SDS: variants seen among roughly 807,000 people sequenced by gnomAD.
SDS encodes the protein serine dehydratase.
A neutral mutation model predicts 29.3 loss-of-function variants in SDS; 19 were observed. The observed-to-expected ratio is 0.65, with a 90% CI of 0.45 to 0.95. The LOEUF is 0.95. SDS is among the 40% of genes least tolerant of loss of function. The pLI is 0.00. For synonymous variants in SDS, 176 were observed against 189.0 expected (o/e 0.93, Z 0.56); for missense variants, 375 against 439.9 (o/e 0.85, Z 1.32).
At chr12:113,401,107 C>G (rs1185002944) in intron 1 of SDS, among the ~76,000 whole-genome samples, 1 of 152,034 alleles carries the variant, frequency 6.6e-6, no homozygotes, top group Non-Finnish European at 1.5e-5. Flanking sequence ...GATCGAGACT[C>G]TGTCTCAAAC....
At chr12:113,399,070 G>T (rs1565870188) in intron 3 of SDS, 42 bp downstream of exon 3, 1 of 1,608,844 alleles carries the variant, frequency 6.2e-7, no homozygotes, top group Non-Finnish European at 8.5e-7. Context: ...TCTGATCCCA[G>T]GACACACAGC....
chr12:113,402,644 T>C (rs1228195982), intron 1 of SDS, among the ~76,000 whole-genome samples: 2 of 151,732 alleles, frequency 1.3e-5, no homozygotes, highest in African/African-American at 4.8e-5. Flanking sequence ...TCAGGGACAA[T>C]CGGGGTGGGA....
intron 5 of SDS, among the ~76,000 whole-genome samples, chr12:113,398,061 C>CTT (rs71443028): frequency 1.6e-4 from 21 of 130,786 alleles, no homozygotes; most frequent in East Asian, 6.8e-4. Context: ...TGTGTTTCTT[C>CTT]TTTTTTTTTT....
chr12:113,393,251 T>C, intron 7 of SDS, 102 bp from the exon 8 acceptor site: 4 of 1,136,230 alleles, frequency 3.5e-6, no homozygotes, highest in Non-Finnish European at 5.2e-6. Flanking sequence ...GCCAATCAGC[T>C]CTCAGCCCTG....
intron 6 of SDS, among the ~76,000 whole-genome samples, chr12:113,396,488 T>TTTCTTTCCC (rs1555207523): frequency 6.9e-6 from 1 of 145,164 alleles, no homozygotes; most frequent in Admixed American, 6.8e-5. Context: ...TTTCTCTCTC[T>TTTCTTTCCC]TTCTTTCCTC....
At chr12:113,397,516 TTGGCTTCTAGCTGCCAGCATCTG>T (rs1401208431) in intron 5 of SDS, 124 bp from the exon 6 acceptor site, 8 of 783,954 alleles carry the variant, frequency 1.0e-5, no homozygotes, top group Non-Finnish European at 1.2e-5. Flanking sequence ...ACCCCCAACC[TTGGCTTCTAGCTGCCAGCATCTG>T]TGTCTCTGCC....
intron 2 of SDS, 90 bp downstream of exon 2, chr12:113,399,466 C>T (rs552105692): frequency 5.3e-5 from 73 of 1,371,146 alleles, no homozygotes; most frequent in African/African-American, 1.5e-4. Flanking sequence ...TATCCTACAA[C>T]GCCTTTAATT....
At position 113,393,094 on chromosome 12, in the gene SDS, A is replaced by G. The variant is rs147130309; in HGVS notation, c.834T>C (p.Tyr278=). 78 of 1,614,086 alleles carry G rather than the reference A, an allele frequency of 4.8e-5. No homozygotes were observed. In the African/African-American group the frequency reaches 6.7e-4, roughly 14 times the overall value. ...GTTGGAGCTTCTGGATCACGTGGCT[A>G]TAGACAGCGGCCAGGGCTGCCCCGC... ...PACGAALAAV[Y]SHVIQKLQLE... The change falls in exon 8 of 8, where the codon TAT becomes TAC. Residue 278 remains tyrosine (Y), a synonymous_variant. Transcript: ENST00000257549.
Position 113,393,998 on chromosome 12 carries a change from G to A in SDS, c.672C>T (p.Gly224=), listed in dbSNP as rs780619588. The change falls in exon 7 of 8, where the codon GGC becomes GGT. Residue 224 remains glycine (G), a synonymous_variant. Transcript: ENST00000257549. Reference sequence around the variant, plus strand: ...GGGCCTGAGCCCCCACAGTCTTCACGCCCAGGGCCTTGGCAACACTGAGAG... The same window carrying A: ...GGGCCTGAGCCCCCACAGTCTTCACACCCAGGGCCTTGGCAACACTGAGAG... ...PKITSVAKAL[G]VKTVGAQALK... 32 of 1,614,006 alleles carry A rather than the reference G, an allele frequency of 2.0e-5. No individual in the cohort carries two copies. Among genetic ancestry groups the A allele is most frequent in the Non-Finnish European group, 2.5e-5 (30 of 1,180,026 alleles).
chr12:113,393,140 T>C lies in SDS; in HGVS notation c.788A>G (p.Lys263Arg), dbSNP rs766137324. 6.2e-7 allele frequency: 1 copy of C among 1,613,794 alleles called. No homozygotes were observed. Among genetic ancestry groups the C allele is most frequent in the Non-Finnish European group, 8.5e-7 (1 of 1,179,978 alleles). Reference protein sequence around the residue: ...AAIEKFVDDEKILVEPACGAA... With the variant: ...AAIEKFVDDERILVEPACGAA... Reference sequence around the variant, plus strand: ...CCCGCAGGCGGGCTCCACCAGGATCTTCTCATCATCTGCCAGAGAAGGGGC... The same window carrying C: ...CCCGCAGGCGGGCTCCACCAGGATCCTCTCATCATCTGCCAGAGAAGGGGC... Residue 263 changes from lysine to arginine, a missense_variant, in exon 8 of 8, where the codon AAG becomes AGG. Physicochemically the swap from Lys to Arg is conservative, Grantham distance 26. Coordinates refer to ENST00000257549, the MANE Select transcript of SDS (RefSeq NM_006843.3).
intron 1 of SDS, among the ~76,000 whole-genome samples, chr12:113,400,306 A>G (rs71467907): frequency 0.028 from 4,209 of 151,886 alleles, 95 homozygotes; most frequent in Middle Eastern, 0.092. Flanking sequence ...AAAAAAAAAA[A>G]AAGAAGAAGA....
rs541846809 is a variant in SDS, at chr12:113,399,811, G to T, written c.-2-101C>A. On this transcript the variant is annotated intron_variant, in intron 1 of 7. Coordinates refer to ENST00000257549, the MANE Select transcript of SDS (RefSeq NM_006843.3). ...TTCGCTTCCCAGCAAGCCAAGCAAGGCCTCAGACGAGAGAGCATCCTGGAG... is the reference window on the plus strand; with the variant it reads ...TTCGCTTCCCAGCAAGCCAAGCAAGTCCTCAGACGAGAGAGCATCCTGGAG... 9 of 1,218,386 alleles carry T rather than the reference G, an allele frequency of 7.4e-6. No homozygotes were observed. In the Admixed American group the frequency reaches 9.2e-5, roughly 13 times the overall value. The allele number at this position is 1,218,386 out of a possible 1,614,324, so 75.5% of individuals were successfully genotyped here.
intron 6 of SDS, among the ~76,000 whole-genome samples, chr12:113,394,332 GTTGTTTTT>G (rs1461520257): frequency 2.1e-5 from 3 of 144,476 alleles, no homozygotes; most frequent in Admixed American, 6.8e-5. Flanking sequence ...TTGTTTTTTT[GTTGTTTTT>G]TTGTTTTTTT....
intron 1 of SDS, 145 bp from the exon 2 acceptor site, chr12:113,399,855 A>T (rs1242393682): frequency 2.6e-5 from 19 of 739,586 alleles, no homozygotes; most frequent in Non-Finnish European, 3.9e-5. Context: ...TCTAATCGCA[A>T]GTGGGCCACC....
intron 2 of SDS, 123 bp downstream of exon 2, chr12:113,399,433 T>C: frequency 8.2e-7 from 1 of 1,214,124 alleles, no homozygotes; most frequent in South Asian, 1.6e-5. Context: ...GGACGCTCAG[T>C]CCTTGCGGGG....
chr12:113,399,782 T>C (rs1339662926), intron 1 of SDS, 72 bp from the exon 2 acceptor site: 3 of 1,354,294 alleles, frequency 2.2e-6, no homozygotes, highest in Non-Finnish European at 2.9e-6. Flanking sequence ...GAGTGATCCC[T>C]TCCTTCGCTT....
chr12:113,392,862 G>A lies in SDS; in HGVS notation c.*79C>T. On this transcript the variant is annotated 3_prime_UTR_variant, in exon 8 of 8. Coordinates refer to ENST00000257549, the MANE Select transcript of SDS (RefSeq NM_006843.3). ...GCCACAGGTGCTCAGCCAAACATAC[G>A]ACGAGGCGCTGGATAAAACTCCAGC... 5.1e-6 allele frequency: 7 copies of A among 1,364,838 alleles called. No individual in the cohort carries two copies. The South Asian group carries it at 7.3e-5, about 14-fold the overall frequency. 84.5% of individuals were successfully genotyped at this position (1,364,838 alleles called of 1,614,324 possible).
At chr12:113,399,056 AG>A (rs1352036760) in intron 3 of SDS, 55 bp downstream of exon 3, 5 of 1,593,400 alleles carry the variant, frequency 3.1e-6, no homozygotes. Context: ...AGAGAAGCAG[AG>A]TGTCTGATCC....
Position 113,393,156 on chromosome 12 carries a change from G to C in SDS, c.779-7C>G, listed in dbSNP as rs1244337400. Reference sequence around the variant, plus strand: ...ACCAGGATCTTCTCATCATCTGCCAGAGAAGGGGCGTGACAGGGGCGTGGC... The same window carrying C: ...ACCAGGATCTTCTCATCATCTGCCACAGAAGGGGCGTGACAGGGGCGTGGC... On this transcript the variant is annotated splice_polypyrimidine_tract_variant and splice_region_variant and intron_variant, in intron 7 of 7. Transcript: ENST00000257549. 2 of 1,613,232 alleles carry C rather than the reference G, an allele frequency of 1.2e-6. No homozygotes were observed. The highest frequency in any genetic ancestry group is 2.7e-5 in the African/African-American group (2 of 75,044).
Sources: gnomAD v4.1 joint callset for allele counts (sites outside exome capture counted in the v4.1 genomes callset) on GRCh38, gnomAD v4.1.1 for gene constraint, MANE v1.5 for transcripts, NCBI Gene and HGNC (gene_info 2026-07-23, HGNC 2026-07-21) for gene names.